The following ITGA9 variants were observed in gnomAD, a reference collection of about 807,000 sequenced individuals.
The protein encoded by ITGA9 is integrin alpha-9.
ITGA9 carries 56 observed loss-of-function variants against 127.8 expected under a neutral mutation model. That is an observed-to-expected ratio of 0.44 (90% CI 0.35 to 0.55). The LOEUF is 0.55. Among genes scored for constraint, ITGA9 ranks in the 20% least tolerant of loss-of-function variants. The pLI is 0.00. For missense variants in ITGA9, 1,196 were observed against 1,347.1 expected, an observed-to-expected ratio of 0.89 and a Z score of 1.76; for synonymous variants, 508 against 514.5, an observed-to-expected ratio of 0.99 and a Z score of 0.17.
rs1334963421 is a variant in ITGA9 at position 37,814,596 on chromosome 3, G to C, written c.3010-4295G>C. On this transcript the variant is annotated intron_variant, in intron 27 of 27. Transcript: ENST00000264741. This position sits in a 1 kb window ranked among gnomAD's most constrained non-coding sequence, Gnocchi z 4.3. The stretch of plus-strand genomic sequence containing the variant: ...CCCAAAAAAGAAACAATATTAGTTT[G>C]ACAGAGCCACCACTAGACTATAGGG... Among the ~76,000 whole-genome samples, 1 of 151,842 alleles carries C rather than the reference G, an allele frequency of 6.6e-6. No homozygotes were observed. Among genetic ancestry groups the C allele is most frequent in the African/African-American group, 2.4e-5 (1 of 41,322 alleles).
intron 24 of ITGA9, 83 bp from the exon 25 acceptor site, chr3:37,779,819 A>G: frequency 7.2e-7 from 1 of 1,385,870 alleles, no homozygotes; most frequent in Non-Finnish European, 1.0e-6. Context: ...CACCAAGTTC[A>G]TGGAGCCCAC....
chr3:37,530,383 A>G (rs1699137687), intron 13 of ITGA9, among the ~76,000 whole-genome samples: 7 of 152,200 alleles, frequency 4.6e-5, no homozygotes, highest in Admixed American at 4.6e-4. Flanking sequence ...TATATTGCCC[A>G]TCGTTCCTAA....
At chr3:37,716,956 T>C (rs981220005) in intron 18 of ITGA9, among the ~76,000 whole-genome samples, 1 of 152,208 alleles carries the variant, frequency 6.6e-6, no homozygotes, top group African/African-American at 2.4e-5. Context: ...CTTGCCCTTG[T>C]TCTAATTGCG....
intron 16 of ITGA9, among the ~76,000 whole-genome samples, chr3:37,634,418 AT>A (rs1223351444): frequency 6.6e-6 from 1 of 152,154 alleles, no homozygotes; most frequent in Non-Finnish European, 1.5e-5. Flanking sequence ...GATGAAAAAA[AT>A]TCTATGCAAA....
intron 16 of ITGA9, among the ~76,000 whole-genome samples, chr3:37,646,491 C>G (rs550896754): frequency 6.6e-6 from 1 of 152,348 alleles, no homozygotes; most frequent in African/African-American, 2.4e-5. Flanking sequence ...GAGGAGGCCA[C>G]TGGATGTCCA....
chr3:37,459,517 TCAC>T (rs1698294747), intron 1 of ITGA9, among the ~76,000 whole-genome samples: 1 of 152,238 alleles, frequency 6.6e-6, no homozygotes, highest in Non-Finnish European at 1.5e-5. Flanking sequence ...CATGACCTAA[TCAC>T]CTCCCAAAGT....
chr3:37,625,483 G>A (rs1210487357), intron 15 of ITGA9, among the ~76,000 whole-genome samples: 1 of 152,192 alleles, frequency 6.6e-6, no homozygotes, highest in African/African-American at 2.4e-5. Context: ...TTCAGAGACA[G>A]GAGACTCCCA....
At chr3:37,453,598 G>C (rs578027506) in intron 1 of ITGA9, among the ~76,000 whole-genome samples, 1 of 152,290 alleles carries the variant, frequency 6.6e-6, no homozygotes, top group African/African-American at 2.4e-5. Flanking sequence ...TGGGGGCCCA[G>C]GTGACAGCCA....
chr3:37,525,300 A>G (rs1445324800), intron 12 of ITGA9, among the ~76,000 whole-genome samples: 1 of 152,224 alleles, frequency 6.6e-6, no homozygotes, highest in African/African-American at 2.4e-5. Flanking sequence ...CTGATTTCAT[A>G]TATTTAATAA....
chr3:37,756,983 G>A (rs764052338), intron 23 of ITGA9, among the ~76,000 whole-genome samples: 2 of 149,284 alleles, frequency 1.3e-5, no homozygotes, highest in South Asian at 2.1e-4. Context: ...GACAGTGAGC[G>A]GTTGTTCATA....
intron 8 of ITGA9, among the ~76,000 whole-genome samples, chr3:37,511,962 CTCTTTCTTTTCTTT>C (rs1280769514): frequency 0.014 from 1,289 of 93,346 alleles, 157 homozygotes; most frequent in Non-Finnish European, 0.019. Context: ...AATGCTTTTT[CTCTTTCTTTTCTTT>C]TCTTTTCTTT....
chr3:37,514,671 ACT>A (rs1698966344), intron 9 of ITGA9, among the ~76,000 whole-genome samples: 1 of 151,690 alleles, frequency 6.6e-6, no homozygotes, highest in Admixed American at 6.6e-5. Flanking sequence ...CTGGGTTCAA[ACT>A]CTTCTCCTGC....
rs543128716 is a variant in ITGA9, at chr3:37,734,125, G to A, written c.2154+1327G>A. On this transcript the variant is annotated intron_variant, in intron 19 of 27. Coordinates refer to ENST00000264741, the MANE Select transcript of ITGA9 (RefSeq NM_002207.3). The stretch of plus-strand genomic sequence containing the variant: ...GTGGCCAAGTGGCCCATGACTCCTC[G>A]GATTTTTTTCTGCCTCTCTTCCTCA... Among the ~76,000 whole-genome samples the A allele has an allele frequency of 1.8e-4, 28 of 152,304 alleles. No homozygotes were observed. In the South Asian group the frequency reaches 4.4e-3, roughly 24 times the overall value.
At chr3:37,585,977 A>T (rs1319521896) in intron 15 of ITGA9, among the ~76,000 whole-genome samples, 1 of 152,240 alleles carries the variant, frequency 6.6e-6, no homozygotes, top group East Asian at 1.9e-4. Flanking sequence ...GGCTCTGCTT[A>T]TGATTCTCAC....
intron 23 of ITGA9, among the ~76,000 whole-genome samples, chr3:37,776,447 A>G (rs1355330060): frequency 1.3e-5 from 2 of 152,276 alleles, no homozygotes; most frequent in African/African-American, 2.4e-5. Context: ...AGACAGGGCA[A>G]TTTAACAGAT....
intron 15 of ITGA9, among the ~76,000 whole-genome samples, chr3:37,564,991 A>G (rs1019743245): frequency 4.6e-5 from 7 of 152,244 alleles, no homozygotes; most frequent in African/African-American, 1.7e-4. Context: ...GAAGTCCTGT[A>G]TAGTGTAAGT....
intron 17 of ITGA9, among the ~76,000 whole-genome samples, chr3:37,665,675 G>A (rs1357924379): frequency 3.9e-5 from 6 of 152,018 alleles, no homozygotes; most frequent in Admixed American, 2.0e-4. Context: ...GGCGGGTCTC[G>A]AAATCCTGAT....
intron 23 of ITGA9, among the ~76,000 whole-genome samples, chr3:37,769,752 C>CA: frequency 6.6e-6 from 1 of 152,320 alleles, no homozygotes; most frequent in Non-Finnish European, 1.5e-5. Flanking sequence ...GATCTACCTG[C>CA]AATGCCACTT....
At chr3:37,587,747 G>A (rs1699772336) in intron 15 of ITGA9, among the ~76,000 whole-genome samples, 1 of 152,222 alleles carries the variant, frequency 6.6e-6, no homozygotes, top group Non-Finnish European at 1.5e-5. Flanking sequence ...AAGCAGTTTT[G>A]TGATGTAGGA....
Sources: gnomAD v4.1 joint callset for allele counts (sites outside exome capture counted in the v4.1 genomes callset) on GRCh38, gnomAD v4.1.1 for gene constraint, Gnocchi (gnomAD v3.1) non-coding constraint, MANE v1.5 for transcripts, NCBI Gene and HGNC (gene_info 2026-07-23, HGNC 2026-07-21) for gene names.